The following RELN variants were observed in gnomAD, a reference collection of about 807,000 sequenced individuals.
RELN encodes reelin.
A neutral mutation model predicts 427.6 loss-of-function variants in RELN; 108 were observed. That is an observed-to-expected ratio of 0.25 (90% CI 0.22 to 0.30). RELN has a LOEUF of 0.30. Among genes scored for constraint, RELN ranks in the 10% least tolerant of loss-of-function variants. The probability of loss-of-function intolerance (pLI) is 1.00; values close to 1 mark genes in which losing one functional copy is unlikely to be tolerated. For missense variants in RELN, 3,715 were observed against 4,302.8 expected, an observed-to-expected ratio of 0.86 and a Z score of 3.82; for synonymous variants, 1,524 against 1,513.4, an observed-to-expected ratio of 1.01 and a Z score of -0.16.
chr7:103,540,582 G>A, intron 43 of RELN, 127 bp from the exon 44 acceptor site: 1 of 798,276 alleles, frequency 1.3e-6, no homozygotes, highest in Non-Finnish European at 2.1e-6. Context: ...TTTAATGAGT[G>A]TCCAAAGCAA....
At chr7:103,549,521 C>G (rs935735313) in intron 41 of RELN, among the ~76,000 whole-genome samples, 1 of 152,188 alleles carries the variant, frequency 6.6e-6, no homozygotes, top group Non-Finnish European at 1.5e-5. Context: ...TAGGCCTTTC[C>G]CCTTGCCTGT....
intron 2 of RELN, among the ~76,000 whole-genome samples, chr7:103,847,446 T>C (rs1196285388): frequency 6.6e-6 from 1 of 152,042 alleles, no homozygotes; most frequent in African/African-American, 2.4e-5. Context: ...GGGATAGCAC[T>C]AGGAGAAATA....
chr7:103,550,586 T>C (rs1055617910), intron 41 of RELN, among the ~76,000 whole-genome samples: 2 of 151,222 alleles, frequency 1.3e-5, no homozygotes, highest in Admixed American at 6.6e-5. Flanking sequence ...GTTGGAAAAG[T>C]AGAGATGCCT....
intron 2 of RELN, among the ~76,000 whole-genome samples, chr7:103,838,222 A>G: frequency 6.6e-6 from 1 of 151,090 alleles, no homozygotes; most frequent in Non-Finnish European, 1.5e-5. Flanking sequence ...AAAAAAAAAA[A>G]AAAAAAAAAA....
intron 6 of RELN, among the ~76,000 whole-genome samples, chr7:103,730,839 C>T (rs1790335396): frequency 6.6e-6 from 1 of 152,052 alleles, no homozygotes. Context: ...GAATGCCCAT[C>T]CCTCTAGGAG....
intron 43 of RELN, among the ~76,000 whole-genome samples, chr7:103,540,857 G>T: frequency 6.7e-6 from 1 of 148,386 alleles, no homozygotes; most frequent in Non-Finnish European, 1.5e-5. Context: ...AGTTTGAAAC[G>T]GGAAGAATGT....
chr7:103,510,228 T>C (rs1217316154), intron 51 of RELN, among the ~76,000 whole-genome samples: 2 of 152,186 alleles, frequency 1.3e-5, no homozygotes, highest in Non-Finnish European at 2.9e-5. Context: ...AGCAAAGACT[T>C]GGAACCAACC....
intron 6 of RELN, among the ~76,000 whole-genome samples, chr7:103,738,672 CTTTTTTTTTTTT>C (rs57390524): frequency 1.4e-4 from 10 of 70,522 alleles, no homozygotes; most frequent in East Asian, 8.3e-4. Context: ...TCCTTCCTTC[CTTTTTTTTTTTT>C]TTTTTTTTTT....
intron 46 of RELN, among the ~76,000 whole-genome samples, chr7:103,526,602 A>C (rs1487639571): frequency 6.6e-6 from 1 of 152,202 alleles, no homozygotes; most frequent in African/African-American, 2.4e-5. Flanking sequence ...AAACATTTTC[A>C]CTAAGAACTG....
At chr7:103,742,896 C>A (rs554207414) in intron 6 of RELN, among the ~76,000 whole-genome samples, 1 of 152,138 alleles carries the variant, frequency 6.6e-6, no homozygotes, top group South Asian at 2.1e-4. Context: ...CATTCAAATT[C>A]AGGAAATACA....
chr7:103,525,994 C>T (rs1829815062), intron 46 of RELN, among the ~76,000 whole-genome samples: 1 of 152,146 alleles, frequency 6.6e-6, no homozygotes, highest in African/African-American at 2.4e-5. Context: ...AATAAAGATG[C>T]CCAGGAAGAT....
At chr7:103,502,616 T>C (rs1309316464) in intron 52 of RELN, among the ~76,000 whole-genome samples, 1 of 152,200 alleles carries the variant, frequency 6.6e-6, no homozygotes, top group African/African-American at 2.4e-5. Context: ...AGTTAGGATT[T>C]GCTCCTGGCT....
intron 8 of RELN, among the ~76,000 whole-genome samples, chr7:103,702,937 C>G (rs729744): frequency 0.21 from 31,778 of 152,138 alleles, 4,070 homozygotes; most frequent in African/African-American, 0.35. Context: ...CCCCAGTAGG[C>G]TAAAGGTGTA....
chr7:103,934,053 A>AT (rs1195566126), intron 1 of RELN, among the ~76,000 whole-genome samples: 2 of 152,066 alleles, frequency 1.3e-5, no homozygotes, highest in Non-Finnish European at 2.9e-5. Flanking sequence ...AATAGTGCCT[A>AT]TTTTTTCATC....
chr7:103,875,026 C>T (rs982985722), intron 2 of RELN, among the ~76,000 whole-genome samples: 2 of 145,336 alleles, frequency 1.4e-5, no homozygotes, highest in Non-Finnish European at 3.0e-5. Flanking sequence ...ATCAATGGAA[C>T]AGAATAGAGC....
At chr7:103,803,681 A>G (rs1792524786) in intron 3 of RELN, among the ~76,000 whole-genome samples, 1 of 152,120 alleles carries the variant, frequency 6.6e-6, no homozygotes, top group Non-Finnish European at 1.5e-5. Flanking sequence ...AGGAACTTAG[A>G]GGCTTATACA....
chr7:103,681,700 A>T (rs1205748871), intron 11 of RELN, among the ~76,000 whole-genome samples: 1 of 152,176 alleles, frequency 6.6e-6, no homozygotes, highest in African/African-American at 2.4e-5. Context: ...CCCCTAAAGA[A>T]TTTTTATAGA....
chr7:103,629,010 T>C (rs1040861577), intron 20 of RELN, among the ~76,000 whole-genome samples: 2 of 152,190 alleles, frequency 1.3e-5, no homozygotes, highest in Non-Finnish European at 2.9e-5. Context: ...GAATACGCCA[T>C]GGTCACTCTC....
intron 52 of RELN, among the ~76,000 whole-genome samples, chr7:103,502,500 T>C (rs150436904): frequency 6.6e-6 from 1 of 152,356 alleles, no homozygotes; most frequent in Admixed American, 6.5e-5. Context: ...TCACCTCTGC[T>C]CATCACTGGT....
Sources: allele counts gnomAD v4.1 joint callset (sites outside exome capture counted in the v4.1 genomes callset), GRCh38; gene constraint gnomAD v4.1.1; transcripts MANE v1.5; gene names NCBI Gene and HGNC (gene_info 2026-07-23, HGNC 2026-07-21).